The following COL4A1 variants were observed in gnomAD, a reference collection of about 807,000 sequenced individuals.
COL4A1 encodes collagen type IV alpha 1 chain.
Under a neutral mutation model 216.6 loss-of-function variants are expected in COL4A1, and 40 were observed. That is an observed-to-expected ratio of 0.18 (90% CI 0.14 to 0.24). COL4A1 has a LOEUF of 0.24. Among genes scored for constraint, COL4A1 ranks in the 10% least tolerant of loss-of-function variants. The probability of loss-of-function intolerance (pLI) is 1.00; values close to 1 mark genes in which losing one functional copy is unlikely to be tolerated. For synonymous variants in COL4A1, 839 were observed against 810.7 expected (o/e 1.03, Z -0.59); for missense variants, 1,628 against 2,196.8 (o/e 0.74, Z 5.18).
chr13:110,296,631 C>T (rs922825993), intron 1 of COL4A1, among the ~76,000 whole-genome samples: 1 of 152,204 alleles, frequency 6.6e-6, no homozygotes, highest in African/African-American at 2.4e-5. Flanking sequence ...GGGAGACCAG[C>T]TAGGCTTCCT....
At chr13:110,296,136 C>CT (rs1321451072) in intron 1 of COL4A1, among the ~76,000 whole-genome samples, 2 of 152,258 alleles carry the variant, frequency 1.3e-5, no homozygotes, top group Non-Finnish European at 2.9e-5. Context: ...AGTCTCCTCT[C>CT]TGAGTGGCTA....
rs542492789 is a variant in COL4A1 at position 110,201,419 on chromosome 13, A to G, written c.1084+19T>C. The G allele has an allele frequency of 1.1e-4, 178 of 1,588,254 alleles. 2 individuals carry two copies. The African/African-American group carries it at 1.6e-3, about 15-fold the overall frequency. On this transcript the variant is annotated intron_variant, in intron 19 of 51. Transcript: ENST00000375820. ...AGGAGGGGGAGTAGGAGGAGGGGGG[A>G]AAAAGGCAAGAAAGCTACCTTTTGG...
At chr13:110,163,413 T>A (rs376224472) in intron 47 of COL4A1, 50 bp downstream of exon 47, 4 of 1,546,526 alleles carry the variant, frequency 2.6e-6, no homozygotes, top group Non-Finnish European at 3.6e-6. Context: ...GCTCCTTCTA[T>A]CCCAAAGATC....
rs745368701 is a variant in COL4A1, at chr13:110,163,590, C to T, written c.4151-29G>A. ...AGGCAGAGGAAAAATAATTTATGAT[C>T]CTGTATGGCAGTAAGCTGTATCTCT... On this transcript the variant is annotated intron_variant, in intron 46 of 51. Transcript: ENST00000375820. 6.3e-6 allele frequency: 10 copies of T among 1,577,092 alleles called. No homozygotes were observed. In the Admixed American group the frequency reaches 1.4e-4, roughly 22 times the overall value.
intron 29 of COL4A1, 68 bp downstream of exon 29, chr13:110,181,224 C>T: frequency 2.7e-6 from 4 of 1,504,446 alleles, no homozygotes; most frequent in Non-Finnish European, 3.7e-6. Context: ...TCACAACCTG[C>T]ATTTTTTCCA....
At chr13:110,188,839 G>T (rs934143815) in intron 24 of COL4A1, among the ~76,000 whole-genome samples, 1 of 152,148 alleles carries the variant, frequency 6.6e-6, no homozygotes, top group African/African-American at 2.4e-5. Context: ...GCTAAGGAAC[G>T]GGAGAAGCTG....
intron 2 of COL4A1, among the ~76,000 whole-genome samples, chr13:110,221,110 G>A (rs1050818375): frequency 5.3e-5 from 8 of 152,142 alleles, no homozygotes; most frequent in African/African-American, 1.7e-4. Context: ...ATGAATTCTG[G>A]CACAATTCTA....
chr13:110,239,839 C>T (rs991112477), intron 2 of COL4A1, among the ~76,000 whole-genome samples: 2 of 152,104 alleles, frequency 1.3e-5, no homozygotes, highest in South Asian at 2.1e-4. Flanking sequence ...GGAACCAGAT[C>T]GGAAACCCTA....
chr13:110,195,242 G>C lies in COL4A1; in HGVS notation c.1286-124C>G, dbSNP rs568964025. ...GACAAGTGTTAGAAATTCAGCTTTA[G>C]TTTGTTTCAAAATCATCTTAGGCTA... is the stretch of plus-strand genomic sequence containing the variant. On this transcript the variant is annotated intron_variant, in intron 21 of 51. Transcript: ENST00000375820. The C allele has an allele frequency of 8.2e-5, 67 of 819,008 alleles. No individual in the cohort carries two copies. The South Asian group carries it at 9.1e-4, about 11-fold the overall frequency. 50.7% of individuals were successfully genotyped at this position (819,008 alleles called of 1,614,324 possible).
chr13:110,241,157 A>G (rs1881548322), intron 2 of COL4A1, among the ~76,000 whole-genome samples: 1 of 152,214 alleles, frequency 6.6e-6, no homozygotes, highest in Non-Finnish European at 1.5e-5. Context: ...GGCGTGACCC[A>G]CCATGCCTGG....
chr13:110,234,797 T>C (rs1226838729), intron 2 of COL4A1, among the ~76,000 whole-genome samples: 1 of 152,044 alleles, frequency 6.6e-6, no homozygotes, highest in African/African-American at 2.4e-5. Flanking sequence ...GGAGGAAACA[T>C]CTGTTGACAT....
At position 110,160,372 on chromosome 13, in the gene COL4A1, A is replaced by G. The variant is rs539315727; in HGVS notation, c.4640+820T>C. 1.5e-3 allele frequency among the ~76,000 whole-genome samples: 125 copies of G among 82,054 alleles called. 5 individuals carry two copies. The highest frequency in any genetic ancestry group is 6.0e-3 in the Middle Eastern group (1 of 168). 53.8% of individuals were successfully genotyped at this position (82,054 alleles called of 152,430 possible). On this transcript the variant is annotated intron_variant, in intron 49 of 51. Transcript: ENST00000375820. ...CAGGAGAATGGCGTGAACCCCGGGA[A>G]GCGGAGCTTGCAGTGAGCCGAGATT...
intron 2 of COL4A1, among the ~76,000 whole-genome samples, chr13:110,231,427 C>A (rs61963281): frequency 1.3e-5 from 2 of 152,162 alleles, no homozygotes; most frequent in African/African-American, 2.4e-5. Context: ...CGCACCTGAG[C>A]GGCTGCCTGA....
Position 110,209,330 on chromosome 13 carries a change from A to G in COL4A1, c.651+62T>C. 5 of 1,438,366 alleles carry G rather than the reference A, an allele frequency of 3.5e-6. No homozygotes were observed. The South Asian group carries it at 5.9e-5, about 17-fold the overall frequency. 89.1% of individuals were successfully genotyped at this position (1,438,366 alleles called of 1,614,324 possible). On this transcript the variant is annotated intron_variant, in intron 11 of 51. Coordinates refer to ENST00000375820, the MANE Select transcript of COL4A1 (RefSeq NM_001845.6). ...ACTGAAAGAATAAGAAGAGTGAGCT[A>G]TAGCAATTTCATGATAGCCTTATAC...
chr13:110,217,937 C>A (rs1256199589), intron 2 of COL4A1, among the ~76,000 whole-genome samples: 2 of 152,126 alleles, frequency 1.3e-5, no homozygotes, highest in Admixed American at 1.3e-4. Context: ...CCTTAAAATG[C>A]GTGGATAGAA....
At position 110,161,286 on chromosome 13, in the gene COL4A1, G is replaced by A. The variant is rs1594535661; in HGVS notation, c.4546C>T (p.Arg1516Ter). ...NINNVCNFAS[R>*]NDYSYWLSTP... Reference sequence around the variant, plus strand: ...GACAGCCAGTACGAGTAGTCATTTCGTGATGCAAAGTTGCACACGTTGTTA... The same window carrying A: ...GACAGCCAGTACGAGTAGTCATTTCATGATGCAAAGTTGCACACGTTGTTA... The change falls in exon 49 of 52, where the codon CGA (arginine) becomes TGA (stop). Residue 1516 changes from arginine (R) to a stop codon, truncating the protein, a stop_gained. Coordinates refer to ENST00000375820, the MANE Select transcript of COL4A1 (RefSeq NM_001845.6). LOFTEE classifies it high-confidence loss of function. 1 of 1,614,208 alleles carries A rather than the reference G, an allele frequency of 6.2e-7. No homozygotes were observed. Among genetic ancestry groups the A allele is most frequent in the Non-Finnish European group, 8.5e-7 (1 of 1,180,040 alleles).
At chr13:110,187,095 C>A in intron 25 of COL4A1, 43 bp downstream of exon 25, 1 of 1,606,786 alleles carries the variant, frequency 6.2e-7, no homozygotes. Context: ...CTTTGCAGAT[C>A]CACACTGTAA....
chr13:110,180,766 T>C (rs1352198758), intron 29 of COL4A1, among the ~76,000 whole-genome samples: 2 of 152,346 alleles, frequency 1.3e-5, no homozygotes, highest in East Asian at 3.9e-4. Flanking sequence ...CATTTGCCAA[T>C]GTCTGGAGAG....
At position 110,245,614 on chromosome 13, in the gene COL4A1, T is replaced by C. The variant is rs145721288; in HGVS notation, c.85-2880A>G. 1.7e-3 allele frequency among the ~76,000 whole-genome samples: 257 copies of C among 152,328 alleles called. 2 individuals are homozygous for C. Among genetic ancestry groups the C allele is most frequent in the African/African-American group, 5.9e-3 (246 of 41,572 alleles). On this transcript the variant is annotated intron_variant, in intron 1 of 51. Coordinates refer to ENST00000375820, the MANE Select transcript of COL4A1 (RefSeq NM_001845.6). ...TGGTGATCTGGAGTTTTCTGAAAGG[T>C]TGATAAAATCTCAGAAGCTTTATCT...
Sources: allele counts gnomAD v4.1 joint callset (sites outside exome capture counted in the v4.1 genomes callset), GRCh38; gene constraint gnomAD v4.1.1; transcripts MANE v1.5; gene names NCBI Gene and HGNC (gene_info 2026-07-23, HGNC 2026-07-21).